The following SLIT3 variants were observed in gnomAD, a reference collection of about 807,000 sequenced individuals.
SLIT3 encodes the protein slit homolog 3 protein.
In SLIT3, 68 loss-of-function variants were observed where a neutral mutation model predicts 184.0. The ratio of observed to expected loss-of-function variants is 0.37; its 90% CI spans 0.30 to 0.45. SLIT3 has a LOEUF of 0.45. SLIT3 is among the 20% of genes least tolerant of loss of function. SLIT3 has a pLI of 1.00. For synonymous variants in SLIT3, 831 were observed against 828.6 expected (o/e 1.00, Z -0.05); for missense variants, 1,707 against 2,026.0 (o/e 0.84, Z 3.02).
intron 4 of SLIT3, among the ~76,000 whole-genome samples, chr5:168,940,463 A>T (rs1049633396): frequency 1.3e-5 from 2 of 152,250 alleles, no homozygotes; most frequent in Non-Finnish European, 2.9e-5. Flanking sequence ...AGAAGAAAAA[A>T]AACTAAATCT....
intron 1 of SLIT3, among the ~76,000 whole-genome samples, chr5:169,269,723 G>A (rs970605989): frequency 3.3e-5 from 5 of 152,252 alleles, no homozygotes; most frequent in Admixed American, 2.0e-4. Flanking sequence ...CAAGGGGCAG[G>A]AATTAGGGAG....
At chr5:168,967,846 G>A (rs537549153) in intron 4 of SLIT3, among the ~76,000 whole-genome samples, 29 of 152,164 alleles carry the variant, frequency 1.9e-4, no homozygotes, top group African/African-American at 6.7e-4. Context: ...ATAAAGCCTC[G>A]GGTTCCCACT....
chr5:168,988,140 G>A (rs1428524910), intron 4 of SLIT3, among the ~76,000 whole-genome samples: 1 of 152,198 alleles, frequency 6.6e-6, no homozygotes, highest in African/African-American at 2.4e-5. Flanking sequence ...TGGACCATAT[G>A]TGCACCTATG....
intron 20 of SLIT3, among the ~76,000 whole-genome samples, chr5:168,731,270 G>T (rs180751803): frequency 6.6e-6 from 1 of 151,832 alleles, no homozygotes. Flanking sequence ...CCCCTAATAA[G>T]TAGAGAGACT....
rs1226670896 is a variant in SLIT3, at chr5:168,932,260, T to TTG, written c.414-48925_414-48924insCA. On this transcript the variant is annotated intron_variant, in intron 4 of 35. Transcript: ENST00000519560. ...CACAGTTTTTTTGTTGTTGTTGTGT[T>TTG]TTTTTTTTTTTTTTGGTACAAGGCA... 2.3e-4 allele frequency among the ~76,000 whole-genome samples: 31 copies of TTG among 132,312 alleles called. 2 individuals carry two copies. Among genetic ancestry groups the TTG allele is most frequent in the Middle Eastern group, 3.8e-3 (1 of 264 alleles). The allele number at this position is 132,312 out of a possible 152,430, so 86.8% of individuals were successfully genotyped here.
Position 168,941,398 on chromosome 5 carries a change from G to A in SLIT3, c.414-58062C>T, listed in dbSNP as rs1035444085. On this transcript the variant is annotated intron_variant, in intron 4 of 35. Coordinates refer to ENST00000519560, the MANE Select transcript of SLIT3 (RefSeq NM_003062.4). ...ACACCTCCTTTTCTCAGCATCTAAC[G>A]GGGTAAAACATACTATTTCATAGGG... Among the ~76,000 whole-genome samples the A allele has an allele frequency of 7.2e-5, 11 of 152,084 alleles. 1 individual carries two copies. The highest frequency in any genetic ancestry group is 1.3e-4 in the Admixed American group (2 of 15,274).
At chr5:169,150,611 G>A (rs554741664) in intron 4 of SLIT3, among the ~76,000 whole-genome samples, 8 of 151,804 alleles carry the variant, frequency 5.3e-5, no homozygotes, top group East Asian at 3.9e-4. Context: ...TGTTTTAATC[G>A]CCCTGGCCCC....
At chr5:169,084,902 G>A (rs1478527702) in intron 4 of SLIT3, among the ~76,000 whole-genome samples, 2 of 152,162 alleles carry the variant, frequency 1.3e-5, no homozygotes, top group Non-Finnish European at 2.9e-5. Context: ...TGGGCCAGGG[G>A]AGCCCAGTTC....
At chr5:168,891,757 T>C (rs532143394) in intron 4 of SLIT3, among the ~76,000 whole-genome samples, 50 of 152,288 alleles carry the variant, frequency 3.3e-4, no homozygotes, top group Non-Finnish European at 4.6e-4. Flanking sequence ...GTTGAGATTA[T>C]AGGTTTGCTC....
At chr5:169,219,316 T>C (rs995521081) in intron 3 of SLIT3, among the ~76,000 whole-genome samples, 1 of 152,268 alleles carries the variant, frequency 6.6e-6, no homozygotes, top group African/African-American at 2.4e-5. Flanking sequence ...GCCAGTGCTA[T>C]AAGTACATTG....
At chr5:169,250,371 T>C (rs879600714) in intron 2 of SLIT3, among the ~76,000 whole-genome samples, 1 of 152,204 alleles carries the variant, frequency 6.6e-6, no homozygotes, top group Non-Finnish European at 1.5e-5. Context: ...AATGAAGCAC[T>C]ACACGTGTAA....
At chr5:168,945,854 G>C (rs1762459735) in intron 4 of SLIT3, among the ~76,000 whole-genome samples, 1 of 152,194 alleles carries the variant, frequency 6.6e-6, no homozygotes, top group South Asian at 2.1e-4. Flanking sequence ...CACTAGGCCT[G>C]GGCCAAATAT....
chr5:168,828,681 A>AAAAAG (rs1757782841), intron 6 of SLIT3, among the ~76,000 whole-genome samples: 1 of 151,242 alleles, frequency 6.6e-6, no homozygotes. Flanking sequence ...GAAAAAAGAA[A>AAAAAG]AAAAAATGTG....
At chr5:168,679,940 C>A (rs1761530863) in intron 32 of SLIT3, among the ~76,000 whole-genome samples, 1 of 152,224 alleles carries the variant, frequency 6.6e-6, no homozygotes, top group Non-Finnish European at 1.5e-5. Flanking sequence ...TTGTAGAAAT[C>A]AAGACTCAGA....
intron 1 of SLIT3, among the ~76,000 whole-genome samples, chr5:169,292,002 A>G (rs1261599660): frequency 6.6e-6 from 1 of 152,340 alleles, no homozygotes; most frequent in African/African-American, 2.4e-5. Context: ...AAGGCTCAAT[A>G]AATGCCAGCT....
Position 169,110,466 on chromosome 5 carries a change from G to A in SLIT3, c.413+83013C>T, listed in dbSNP as rs546272748. Among the ~76,000 whole-genome samples the A allele has an allele frequency of 3.3e-5, 5 of 152,164 alleles. No homozygotes were observed. In the South Asian group the frequency reaches 6.2e-4, roughly 19 times the overall value. On this transcript the variant is annotated intron_variant, in intron 4 of 35. Transcript: ENST00000519560. ...GTCTGTTGCAGGCCTCTCTCCTAGC[G>A]CTGGTAACTTTAGGTGTTCGTTGTC...
At chr5:169,067,475 G>T (rs1307584122) in intron 4 of SLIT3, among the ~76,000 whole-genome samples, 1 of 152,162 alleles carries the variant, frequency 6.6e-6, no homozygotes, top group Non-Finnish European at 1.5e-5. Flanking sequence ...TGGTTCCTGG[G>T]ACAATCCATC....
chr5:169,272,203 C>A (rs1766651606), intron 1 of SLIT3, among the ~76,000 whole-genome samples: 1 of 152,200 alleles, frequency 6.6e-6, no homozygotes. Flanking sequence ...GGGCAGAGTC[C>A]CTGTTCCGTT....
chr5:169,162,330 C>T (rs900582033), intron 4 of SLIT3, among the ~76,000 whole-genome samples: 3 of 152,182 alleles, frequency 2.0e-5, no homozygotes, highest in Non-Finnish European at 4.4e-5. Context: ...CTCCAGGAGA[C>T]TGGGATGCAC....
Sources: allele counts gnomAD v4.1 joint callset (sites outside exome capture counted in the v4.1 genomes callset), GRCh38; gene constraint gnomAD v4.1.1; transcripts MANE v1.5; gene names NCBI Gene and HGNC (gene_info 2026-07-23, HGNC 2026-07-21).